Variants in CCDC73 observed in about 807,000 individuals in gnomAD.
CCDC73 encodes the protein coiled-coil domain-containing protein 73.
In CCDC73, 95 loss-of-function variants were observed where a neutral mutation model predicts 116.5. That is an observed-to-expected ratio of 0.82 (90% CI 0.69 to 0.97). The LOEUF is 0.97. Ranked by LOEUF, CCDC73 falls within the 50% of genes least tolerant of loss-of-function variation. CCDC73 has a pLI of 0.00. For synonymous variants in CCDC73, 398 were observed against 401.3 expected (o/e 0.99, Z 0.10); for missense variants, 1,066 against 1,206.8 (o/e 0.88, Z 1.73).
intron 9 of CCDC73, among the ~76,000 whole-genome samples, chr11:32,668,741 T>C (rs988216481): frequency 1.3e-5 from 2 of 152,192 alleles, no homozygotes; most frequent in African/African-American, 2.4e-5. Flanking sequence ...ATGTTACACA[T>C]AGATGTTTCT....
At chr11:32,746,285 T>C (rs898588548) in intron 2 of CCDC73, among the ~76,000 whole-genome samples, 3 of 152,238 alleles carry the variant, frequency 2.0e-5, no homozygotes, top group Non-Finnish European at 2.9e-5. Flanking sequence ...GAGTTTCTGC[T>C]GAGAGATCTG....
At chr11:32,777,771 T>C (rs552805553) in intron 1 of CCDC73, among the ~76,000 whole-genome samples, 5 of 152,106 alleles carry the variant, frequency 3.3e-5, no homozygotes, top group Non-Finnish European at 7.4e-5. Flanking sequence ...ACAAAAGAGA[T>C]TTAAGGTGGT....
chr11:32,766,041 C>T (rs1201470026), intron 1 of CCDC73, among the ~76,000 whole-genome samples: 3 of 152,240 alleles, frequency 2.0e-5, no homozygotes, highest in East Asian at 3.9e-4. Flanking sequence ...TAATGAACAT[C>T]GATGCAAAAA....
At position 32,613,960 on chromosome 11, in the gene CCDC73, A is replaced by C. The variant is rs751268267; in HGVS notation, c.2358T>G (p.Ala786=). 8 of 1,611,044 alleles carry C rather than the reference A, an allele frequency of 5.0e-6. No individual in the cohort carries two copies. The Admixed American group carries it at 1.2e-4, about 23-fold the overall frequency. The change falls in exon 16 of 18, where the codon GCT becomes GCG. Residue 786 remains alanine (A), a synonymous_variant. Coordinates refer to ENST00000335185, the MANE Select transcript of CCDC73 (RefSeq NM_001008391.4). ...HLHLNNENSH[A]SQAKDVKTAV... ...CAGTTTTCACATCTTTGGCTTGTGA[A>C]GCATGACTATTCTCATTGTTAAGAT...
chr11:32,721,747 G>A (rs1238972895), intron 2 of CCDC73, among the ~76,000 whole-genome samples: 1 of 151,466 alleles, frequency 6.6e-6, no homozygotes, highest in Non-Finnish European at 1.5e-5. Flanking sequence ...ACAGGCACCC[G>A]CCACAGTGCC....
chr11:32,672,503 GTTAT>G (rs1565072591), intron 9 of CCDC73, among the ~76,000 whole-genome samples: 1 of 152,040 alleles, frequency 6.6e-6, no homozygotes, highest in East Asian at 1.9e-4. Context: ...TAATATGAAT[GTTAT>G]TTAATTACTA....
intron 2 of CCDC73, among the ~76,000 whole-genome samples, chr11:32,737,477 G>A (rs918307134): frequency 6.6e-6 from 1 of 152,094 alleles, no homozygotes; most frequent in Non-Finnish European, 1.5e-5. Flanking sequence ...GCCCGTGAGG[G>A]CATGGTGGCA....
chr11:32,730,135 C>T (rs1850062612), intron 2 of CCDC73, among the ~76,000 whole-genome samples: 1 of 152,182 alleles, frequency 6.6e-6, no homozygotes, highest in Non-Finnish European at 1.5e-5. Context: ...GTACAGTTTA[C>T]TCCTTCTGGT....
chr11:32,614,083 T>TC lies in CCDC73; in HGVS notation c.2234dup (p.Thr747AsnfsTer4), dbSNP rs35425789. On this transcript the variant is annotated frameshift_variant, in exon 16 of 18. Transcript: ENST00000335185. LOFTEE classifies it high-confidence loss of function. ...CACTCATATTTTTACACATAGTTTTTCCCCCAGGGCTTGAGTTAGGTTTCA... is the reference window on the plus strand; with the variant it reads ...CACTCATATTTTTACACATAGTTTTTCCCCCCAGGGCTTGAGTTAGGTTTCA... 4 of 1,613,402 alleles carry TC rather than the reference T, an allele frequency of 2.5e-6. No individual in the cohort carries two copies. The highest frequency in any genetic ancestry group is 3.4e-6 in the Non-Finnish European group (4 of 1,179,900).
intron 16 of CCDC73, among the ~76,000 whole-genome samples, 153 bp downstream of exon 16, chr11:32,613,269 C>T (rs1345205161): frequency 6.6e-6 from 1 of 152,094 alleles, no homozygotes; most frequent in South Asian, 2.1e-4. Flanking sequence ...ACTGTATTTG[C>T]TCTAAAAGTT....
At chr11:32,716,885 T>C (rs1252903249) in intron 3 of CCDC73, among the ~76,000 whole-genome samples, 1 of 152,216 alleles carries the variant, frequency 6.6e-6, no homozygotes, top group African/African-American at 2.4e-5. Context: ...TCATTAAACT[T>C]ACCTTAGGGA....
intron 2 of CCDC73, among the ~76,000 whole-genome samples, chr11:32,745,550 T>C (rs533316094): frequency 9.2e-5 from 14 of 152,184 alleles, no homozygotes; most frequent in African/African-American, 2.9e-4. Flanking sequence ...TCTTTGTAGG[T>C]CTCTAAGAAC....
intron 9 of CCDC73, among the ~76,000 whole-genome samples, chr11:32,672,965 A>G (rs1476823920): frequency 6.6e-6 from 1 of 152,210 alleles, no homozygotes; most frequent in Non-Finnish European, 1.5e-5. Flanking sequence ...GTGAAGATAT[A>G]CATATCACAG....
At chr11:32,653,076 A>C in intron 12 of CCDC73, 47 bp downstream of exon 12, 1 of 1,130,166 alleles carries the variant, frequency 8.8e-7, no homozygotes, top group East Asian at 2.4e-5. Context: ...GTGAAAATAT[A>C]CTAAAACACA....
At chr11:32,702,300 AT>A (rs1447576210) in intron 4 of CCDC73, among the ~76,000 whole-genome samples, 1 of 152,230 alleles carries the variant, frequency 6.6e-6, no homozygotes, top group Non-Finnish European at 1.5e-5. Flanking sequence ...CTGAAGAGAA[AT>A]TTTAGTCAAG....
chr11:32,695,646 T>C (rs551168783), intron 6 of CCDC73, among the ~76,000 whole-genome samples: 1 of 152,268 alleles, frequency 6.6e-6, no homozygotes, highest in African/African-American at 2.4e-5. Context: ...CAAACTTCAC[T>C]GAGGCATCAG....
chr11:32,654,162 T>C, intron 10 of CCDC73, 125 bp from the exon 11 acceptor site: 1 of 839,828 alleles, frequency 1.2e-6, no homozygotes, highest in South Asian at 2.2e-5. Context: ...CACATTTGTT[T>C]TTTTGTTTGT....
the CCDC73 span, among the ~76,000 whole-genome samples, chr11:32,804,208 A>T: frequency 6.6e-6 from 1 of 152,132 alleles, no homozygotes; most frequent in South Asian, 2.1e-4. Flanking sequence ...ACACAACCAC[A>T]GCTCACTGCA....
intron 3 of CCDC73, among the ~76,000 whole-genome samples, chr11:32,715,636 A>T (rs12271387): frequency 0.012 from 1,824 of 152,258 alleles, 36 homozygotes; most frequent in African/African-American, 0.042. Flanking sequence ...TTGAAGAAGC[A>T]AAAGGGGACT....
Sources: allele counts gnomAD v4.1 joint callset (sites outside exome capture counted in the v4.1 genomes callset), GRCh38; gene constraint gnomAD v4.1.1; transcripts MANE v1.5; gene names NCBI Gene and HGNC (gene_info 2026-07-23, HGNC 2026-07-21).